The following ADAM10 variants were observed in gnomAD, a reference collection of about 807,000 sequenced individuals.
The protein encoded by ADAM10 is ADAM metallopeptidase domain 10, also known as disintegrin and metalloproteinase domain-containing protein 10.
Under a neutral mutation model 90.1 loss-of-function variants are expected in ADAM10, and 17 were observed. The ratio of observed to expected loss-of-function variants is 0.19; its 90% confidence interval spans 0.13 to 0.28. ADAM10 has a LOEUF of 0.28. Among genes scored for constraint, ADAM10 ranks in the 10% least tolerant of loss-of-function variants. The probability of loss-of-function intolerance (pLI) is 1.00; values close to 1 mark genes in which losing one functional copy is unlikely to be tolerated. For synonymous variants in ADAM10, 310 were observed against 298.6 expected (o/e 1.04, Z -0.40); for missense variants, 610 against 914.3 (o/e 0.67, Z 4.29).
intron 1 of ADAM10, among the ~76,000 whole-genome samples, chr15:58,746,122 C>T (rs144228584): frequency 3.9e-5 from 6 of 152,138 alleles, no homozygotes; most frequent in African/African-American, 1.4e-4. Context: ...AGCTTGAGTT[C>T]GAATGTCCAA....
At chr15:58,677,421 C>T (rs1897322994) in intron 4 of ADAM10, among the ~76,000 whole-genome samples, 2 of 151,994 alleles carry the variant, frequency 1.3e-5, no homozygotes, top group African/African-American at 4.8e-5. Context: ...CAAGCTAACT[C>T]ATCATCTTTG....
intron 1 of ADAM10, among the ~76,000 whole-genome samples, chr15:58,738,629 C>T (rs181253062): frequency 2.2e-4 from 34 of 152,252 alleles, no homozygotes; most frequent in Admixed American, 1.0e-3. Context: ...CACAAGCTGG[C>T]TCAGAAGTCT....
At position 58,737,416 on chromosome 15, in the gene ADAM10, G is replaced by C. The variant is rs148050801; in HGVS notation, c.55+12064C>G. Among the ~76,000 whole-genome samples the C allele has an allele frequency of 1.7e-3, 259 of 152,146 alleles. 2 individuals carry two copies. Among genetic ancestry groups the C allele is most frequent in the African/African-American group, 5.2e-3 (217 of 41,524 alleles). ...CTAAAAGGCAAATTCTTCAAATACT[G>C]TAAGTACAAAGAACCTAAATTACGC... On this transcript the variant is annotated intron_variant, in intron 1 of 15. Transcript: ENST00000260408.
At position 58,745,953 on chromosome 15, in the gene ADAM10, T is replaced by G. The variant is rs189004491; in HGVS notation, c.55+3527A>C. ...ACTGAGAAATATCCCAATTTTTCAA[T>G]GTTAATCATTAGCTCAAACTTAAAG... On this transcript the variant is annotated intron_variant, in intron 1 of 15. Transcript: ENST00000260408. Among the ~76,000 whole-genome samples the G allele has an allele frequency of 2.2e-3, 336 of 152,320 alleles. 3 individuals carry two copies. The highest frequency in any genetic ancestry group is 3.4e-3 in the Middle Eastern group (1 of 294).
Position 58,597,072 on chromosome 15 carries a change from T to C in ADAM10, c.*475A>G. The stretch of plus-strand genomic sequence containing the variant: ...TACAATTGCACACAGAAGTACAGTG[T>C]ACGTAAGAAATACATGTCTGCATAT... On this transcript the variant is annotated 3_prime_UTR_variant, in exon 16 of 16. Transcript: ENST00000260408. 3.8e-6 allele frequency: 1 copy of C among 262,432 alleles called. No individual in the cohort carries two copies. The highest frequency in any genetic ancestry group is 7.4e-6 in the Non-Finnish European group (1 of 134,794). 16.3% of individuals were successfully genotyped at this position (262,432 alleles called of 1,614,324 possible).
rs560593920 is a variant in ADAM10 at position 58,670,779 on chromosome 15, T to C, written c.485-5582A>G. Among the ~76,000 whole-genome samples the C allele has an allele frequency of 1.1e-4, 16 of 152,292 alleles. No individual in the cohort carries two copies. In the East Asian group the frequency reaches 1.9e-3, roughly 18 times the overall value. ...TACATACAAGAATAGCCATTTTATA[T>C]AGTCATTTCCCAATCAGCACAAAAA... On this transcript the variant is annotated intron_variant, in intron 4 of 15. Transcript: ENST00000260408.
chr15:58,749,350 C>G (rs1162964319), intron 1 of ADAM10, 130 bp downstream of exon 1: 2 of 1,162,050 alleles, frequency 1.7e-6, no homozygotes, highest in Non-Finnish European at 2.2e-6. Flanking sequence ...GAGCGCGGCC[C>G]GCCAGAGTGG....
At chr15:58,675,855 T>C (rs754807167) in intron 4 of ADAM10, among the ~76,000 whole-genome samples, 2 of 152,154 alleles carry the variant, frequency 1.3e-5, no homozygotes, top group Non-Finnish European at 2.9e-5. Flanking sequence ...CATCAAAAGG[T>C]ATATCCAAGG....
At chr15:58,657,474 G>A (rs1229897391) in intron 5 of ADAM10, among the ~76,000 whole-genome samples, 2 of 152,086 alleles carry the variant, frequency 1.3e-5, no homozygotes, top group African/African-American at 4.8e-5. Flanking sequence ...CTGTTACTAA[G>A]AGACTCTGAT....
chr15:58,619,945 C>T (rs1451784220), intron 11 of ADAM10, among the ~76,000 whole-genome samples: 10 of 151,286 alleles, frequency 6.6e-5, no homozygotes, highest in African/African-American at 2.4e-4. Context: ...GCTACTAAGC[C>T]AAACAGTCAA....
At chr15:58,720,616 T>C (rs1000934789) in intron 1 of ADAM10, among the ~76,000 whole-genome samples, 4 of 150,898 alleles carry the variant, frequency 2.7e-5, no homozygotes, top group Non-Finnish European at 5.9e-5. Context: ...TTAGTCAGGA[T>C]AGTCTCGATC....
chr15:58,657,833 G>C (rs1241613342), intron 5 of ADAM10, among the ~76,000 whole-genome samples: 1 of 151,068 alleles, frequency 6.6e-6, no homozygotes, highest in Non-Finnish European at 1.5e-5. Flanking sequence ...ATTTGTGCCT[G>C]TCCTTCTTGG....
rs1412308400 is a variant in ADAM10 at position 58,591,815 on chromosome 15, C to A, written c.*5732G>T. The A allele has an allele frequency of 6.6e-6, 1 of 152,124 alleles. No homozygotes were observed. The highest frequency in any genetic ancestry group is 1.5e-5 in the Non-Finnish European group (1 of 68,016). The allele number at this position is 152,124 out of a possible 1,614,324, so 9.4% of individuals were successfully genotyped here. A position where few individuals can be genotyped will look rare whatever the true frequency, so the allele number is the denominator to read the frequency against. ...GGGTCCTTTAAAAAATGTAACAATA[C>A]CATTATCACACCTAAAAATAATTAA... On this transcript the variant is annotated 3_prime_UTR_variant, in exon 16 of 16. Coordinates refer to ENST00000260408, the MANE Select transcript of ADAM10 (RefSeq NM_001110.4).
chr15:58,730,765 T>G (rs1899209325), intron 1 of ADAM10, among the ~76,000 whole-genome samples: 2 of 151,978 alleles, frequency 1.3e-5, no homozygotes, highest in Non-Finnish European at 2.9e-5. Flanking sequence ...CTGGGGAAGA[T>G]CCACCTGCAC....
chr15:58,715,425 A>C (rs1177246360), intron 2 of ADAM10, among the ~76,000 whole-genome samples: 1 of 151,896 alleles, frequency 6.6e-6, no homozygotes, highest in Non-Finnish European at 1.5e-5. Context: ...AAAAAAAAAA[A>C]AAAAGTACCC....
chr15:58,705,250 T>C (rs1898245814), intron 2 of ADAM10, among the ~76,000 whole-genome samples: 1 of 152,218 alleles, frequency 6.6e-6, no homozygotes, highest in Non-Finnish European at 1.5e-5. Context: ...GGAGGTAAGA[T>C]GTCCTGTATA....
intron 8 of ADAM10, among the ~76,000 whole-genome samples, chr15:58,638,508 G>C (rs185723080): frequency 6.6e-6 from 1 of 151,444 alleles, no homozygotes; most frequent in Non-Finnish European, 1.5e-5. Flanking sequence ...CCAGCTACTC[G>C]GGAGGCTGAG....
At chr15:58,692,074 C>A in intron 2 of ADAM10, 1 of 475,782 alleles carries the variant, frequency 2.1e-6, no homozygotes, top group South Asian at 1.5e-5. Context: ...AAGAGTCAAC[C>A]ATACCACGGA....
chr15:58,716,929 C>T (rs544438807), intron 2 of ADAM10, among the ~76,000 whole-genome samples: 168 of 151,982 alleles, frequency 1.1e-3, no homozygotes, highest in Non-Finnish European at 2.0e-3. Context: ...AGCCAGGTCT[C>T]GGTAAAATCA....
Sources: gnomAD v4.1 joint callset for allele counts (sites outside exome capture counted in the v4.1 genomes callset) on GRCh38, gnomAD v4.1.1 for gene constraint, MANE v1.5 for transcripts, NCBI Gene and HGNC (gene_info 2026-07-23, HGNC 2026-07-21) for gene names.